The following CDH23 variants were observed in gnomAD, a reference collection of about 807,000 sequenced individuals.
The protein encoded by CDH23 is cadherin related 23.
Under a neutral mutation model 317.1 loss-of-function variants are expected in CDH23, and 189 were observed. That is an observed-to-expected ratio of 0.60 (90% CI 0.53 to 0.67). CDH23 has a LOEUF of 0.67. CDH23 is among the 30% of genes least tolerant of loss of function. The pLI, the probability that CDH23 is intolerant of heterozygous loss-of-function variation, is 0.00. For synonymous variants in CDH23, 1,839 were observed against 1,876.8 expected (o/e 0.98, Z 0.52); for missense variants, 4,401 against 4,592.4 (o/e 0.96, Z 1.20).
intron 9 of CDH23, among the ~76,000 whole-genome samples, chr10:71,606,664 T>A (rs1380887070): frequency 1.3e-5 from 2 of 151,742 alleles, no homozygotes; most frequent in African/African-American, 4.9e-5. Context: ...AAGAAACACA[T>A]AAACAGATGG....
intron 38 of CDH23, among the ~76,000 whole-genome samples, chr10:71,759,034 A>G (rs1840221009): frequency 6.6e-6 from 1 of 151,090 alleles, no homozygotes; most frequent in Admixed American, 6.6e-5. Context: ...CATGCCAGGC[A>G]AATTTTGGGT....
chr10:71,510,938 C>T lies in CDH23; in HGVS notation c.289-16C>T, dbSNP rs1408158475. The T allele has an allele frequency of 1.9e-6, 3 of 1,613,812 alleles. No individual in the cohort carries two copies. Among genetic ancestry groups the T allele is most frequent in the Non-Finnish European group, 2.5e-6 (3 of 1,179,852 alleles). ...ACCGCCTAACTGCCCCCCTCCCTCT[C>T]TCACTTTTCTTTCAGACCAAGTCAG... On this transcript the variant is annotated splice_polypyrimidine_tract_variant and intron_variant, in intron 4 of 69. Coordinates refer to ENST00000224721, the MANE Select transcript of CDH23 (RefSeq NM_022124.6).
At chr10:71,788,464 C>CTTTTTTTT (rs540868938) in intron 44 of CDH23, among the ~76,000 whole-genome samples, 3 of 150,604 alleles carry the variant, frequency 2.0e-5, no homozygotes, top group East Asian at 3.9e-4. Context: ...TTCTTTTTTT[C>CTTTTTTTT]TTTTTTTTTG....
intron 3 of CDH23, among the ~76,000 whole-genome samples, chr10:71,457,881 C>A (rs1440830217): frequency 1.3e-5 from 2 of 152,184 alleles, no homozygotes; most frequent in African/African-American, 4.8e-5. Flanking sequence ...TTTCCAGTGA[C>A]CAGTGGTGAT....
At chr10:71,679,859 G>T (rs7920800) in intron 17 of CDH23, among the ~76,000 whole-genome samples, 2 of 152,200 alleles carry the variant, frequency 1.3e-5, no homozygotes, top group Non-Finnish European at 2.9e-5. Flanking sequence ...TTGGGCGGCC[G>T]TGTGGGACCA....
intron 22 of CDH23, among the ~76,000 whole-genome samples, chr10:71,698,730 C>G (rs1269032479): frequency 1.3e-5 from 2 of 152,204 alleles, no homozygotes; most frequent in Non-Finnish European, 2.9e-5. Context: ...TGACTACTGT[C>G]TAAAGTAGCT....
At chr10:71,662,060 A>G (rs996491314) in intron 14 of CDH23, among the ~76,000 whole-genome samples, 35 of 150,946 alleles carry the variant, frequency 2.3e-4, no homozygotes, top group Admixed American at 1.6e-3. Flanking sequence ...CTCACAGATC[A>G]TGGGTGATTT....
chr10:71,729,936 A>G (rs974642595), intron 30 of CDH23, among the ~76,000 whole-genome samples: 3 of 151,504 alleles, frequency 2.0e-5, no homozygotes, highest in African/African-American at 7.3e-5. Flanking sequence ...CCGGGTTCAC[A>G]CCATTCTCCT....
At chr10:71,476,238 C>T (rs1213823210) in intron 3 of CDH23, among the ~76,000 whole-genome samples, 1 of 152,208 alleles carries the variant, frequency 6.6e-6, no homozygotes, top group East Asian at 1.9e-4. Flanking sequence ...GCCCCCGTCC[C>T]CACCCCTTCA....
chr10:71,735,731 G>A (rs1387948398), intron 34 of CDH23, among the ~76,000 whole-genome samples: 3 of 152,226 alleles, frequency 2.0e-5, no homozygotes, highest in Non-Finnish European at 2.9e-5. Flanking sequence ...CCCTGGAGGT[G>A]CCCAGTTCTA....
At chr10:71,778,949 G>C (rs191688267) in intron 40 of CDH23, among the ~76,000 whole-genome samples, 1 of 152,210 alleles carries the variant, frequency 6.6e-6, no homozygotes, top group Non-Finnish European at 1.5e-5. Context: ...ATTTTTTGTA[G>C]AGGTGGGGTC....
intron 3 of CDH23, among the ~76,000 whole-genome samples, chr10:71,495,810 GA>G (rs79249505): frequency 0.013 from 1,612 of 127,942 alleles, 27 homozygotes; most frequent in African/African-American, 0.034. Context: ...AGAGGTTTTG[GA>G]AAAAAAAAAA....
intron 18 of CDH23, among the ~76,000 whole-genome samples, chr10:71,686,989 C>T (rs1034615338): frequency 3.0e-4 from 45 of 152,292 alleles, no homozygotes; most frequent in African/African-American, 9.6e-4. Context: ...AGCCAAGCAC[C>T]GTGCTCTGGC....
rs1437430893 is a variant in CDH23 at position 71,615,545 on chromosome 10, G to A, written c.874G>A (p.Val292Met). ...SIFALDYISG[V>M]LTLNGLLDRE... ...CTTTGCCCTGGACTACATCAGCGGAGTGCTGACCTTGAATGGCCTGCTGGA... is the reference window on the plus strand; with the variant it reads ...CTTTGCCCTGGACTACATCAGCGGAATGCTGACCTTGAATGGCCTGCTGGA... The change falls in exon 10 of 70, where the codon GTG becomes ATG. Residue 292 changes from valine to methionine, a missense_variant. Physicochemically the swap from Val to Met is conservative, Grantham distance 21. This residue lies in a region of CDH23 where 3,068 missense variants were observed against 3,203.3 expected (regional missense o/e 0.96). Coordinates refer to ENST00000224721, the MANE Select transcript of CDH23 (RefSeq NM_022124.6). 6 of 1,613,754 alleles carry A rather than the reference G, an allele frequency of 3.7e-6. No homozygotes were observed. The Admixed American group carries it at 8.3e-5, about 22-fold the overall frequency.
intron 38 of CDH23, among the ~76,000 whole-genome samples, chr10:71,765,816 A>G (rs1043716032): frequency 6.6e-6 from 1 of 152,106 alleles, no homozygotes; most frequent in African/African-American, 2.4e-5. Flanking sequence ...TTTGGGGAGC[A>G]GGGGAGGATG....
intron 6 of CDH23, among the ~76,000 whole-genome samples, chr10:71,559,017 A>G (rs943241569): frequency 2.6e-5 from 4 of 152,094 alleles, no homozygotes; most frequent in African/African-American, 9.7e-5. Context: ...AGAGTTGGGG[A>G]AGGGATCTGG....
chr10:71,712,563 C>A, intron 27 of CDH23, 102 bp from the exon 28 acceptor site: 1 of 1,384,930 alleles, frequency 7.2e-7, no homozygotes, highest in Non-Finnish European at 1.0e-6. Flanking sequence ...TGGGGCGGAA[C>A]AGGGCACCTC....
rs558717935 is a variant in CDH23 at position 71,716,089 on chromosome 10, A to C, written c.3369+3276A>C. 2.2e-4 allele frequency: 337 copies of C among 1,531,484 alleles called. 1 individual carries two copies. The African/African-American group carries it at 3.8e-3, about 17-fold the overall frequency. The allele number at this position is 1,531,484 out of a possible 1,614,324, so 94.9% of individuals were successfully genotyped here. Reference sequence around the variant, plus strand: ...GCTTCCAGAGCCGGAGCTGGGGCTCACTGGGGCTCCCAGGGTGGTGGGGCA... The same window carrying C: ...GCTTCCAGAGCCGGAGCTGGGGCTCCCTGGGGCTCCCAGGGTGGTGGGGCA... On this transcript the variant is annotated intron_variant, in intron 28 of 69. Coordinates refer to ENST00000224721, the MANE Select transcript of CDH23 (RefSeq NM_022124.6).
chr10:71,531,992 C>A (rs1327459780), intron 6 of CDH23, among the ~76,000 whole-genome samples: 1 of 152,146 alleles, frequency 6.6e-6, no homozygotes, highest in Admixed American at 6.5e-5. Context: ...GACCCTTAGT[C>A]CCCAGGGAAA....
Sources: gnomAD v4.1 joint callset for allele counts (sites outside exome capture counted in the v4.1 genomes callset) on GRCh38, gnomAD v4.1.1 for gene constraint, gnomAD v4.1.1 regional missense constraint, MANE v1.5 for transcripts, NCBI Gene and HGNC (gene_info 2026-07-23, HGNC 2026-07-21) for gene names.